Variants in TSPAN5 observed in about 807,000 individuals in gnomAD.
The protein encoded by TSPAN5 is tetraspanin 5.
TSPAN5 carries 10 observed loss-of-function variants against 37.1 expected under a neutral mutation model. The observed-to-expected ratio is 0.27, with a 90% CI of 0.17 to 0.46. The LOEUF is 0.46. Among genes scored for constraint, TSPAN5 ranks in the 20% least tolerant of loss-of-function variants. The pLI is 1.00. For synonymous variants in TSPAN5, 110 were observed against 118.9 expected, an observed-to-expected ratio of 0.93 and a Z score of 0.48; for missense variants, 195 against 326.6, an observed-to-expected ratio of 0.60 and a Z score of 3.11.
At chr4:98,503,638 A>G (rs1196959267) in intron 2 of TSPAN5, among the ~76,000 whole-genome samples, 1 of 152,222 alleles carries the variant, frequency 6.6e-6, no homozygotes, top group African/African-American at 2.4e-5. Context: ...TTGCTGTGGG[A>G]ACCATTAAAC....
intron 1 of TSPAN5, among the ~76,000 whole-genome samples, chr4:98,584,754 C>G (rs72906087): frequency 2.6e-5 from 4 of 152,116 alleles, no homozygotes; most frequent in Non-Finnish European, 5.9e-5. Context: ...ATGCAATAGG[C>G]CTATCGCCAC....
At chr4:98,574,914 G>C (rs906592799) in intron 1 of TSPAN5, 1 of 152,904 alleles carries the variant, frequency 6.5e-6, no homozygotes. Context: ...TCCTAAAAAA[G>C]AAAAGGGCAC....
At chr4:98,652,227 A>T (rs1401777480) in intron 1 of TSPAN5, among the ~76,000 whole-genome samples, 2 of 152,142 alleles carry the variant, frequency 1.3e-5, no homozygotes, top group African/African-American at 2.4e-5. Context: ...TGAAAGTGAG[A>T]CAGCCCCCAC....
At chr4:98,551,014 T>C (rs1002526050) in intron 1 of TSPAN5, among the ~76,000 whole-genome samples, 2 of 152,210 alleles carry the variant, frequency 1.3e-5, no homozygotes, top group East Asian at 1.9e-4. Flanking sequence ...GGCTGTAGGT[T>C]TGTCATATAT....
At chr4:98,648,516 T>C (rs909426821) in intron 1 of TSPAN5, among the ~76,000 whole-genome samples, 3 of 152,244 alleles carry the variant, frequency 2.0e-5, no homozygotes, top group Non-Finnish European at 2.9e-5. Flanking sequence ...TAGCCCTATA[T>C]GATGCTAACT....
chr4:98,490,833 G>A (rs1226434926), intron 2 of TSPAN5, among the ~76,000 whole-genome samples: 1 of 152,168 alleles, frequency 6.6e-6, no homozygotes, highest in Admixed American at 6.5e-5. Flanking sequence ...GGCCGAGGCG[G>A]GCAGATCACG....
At chr4:98,585,392 C>A (rs1423165932) in intron 1 of TSPAN5, among the ~76,000 whole-genome samples, 1 of 152,122 alleles carries the variant, frequency 6.6e-6, no homozygotes, top group Non-Finnish European at 1.5e-5. Context: ...TTACTGCGAC[C>A]TCTGCCTCCG....
intron 1 of TSPAN5, among the ~76,000 whole-genome samples, chr4:98,508,087 T>C (rs982438468): frequency 2.6e-5 from 4 of 152,194 alleles, no homozygotes; most frequent in African/African-American, 9.7e-5. Flanking sequence ...AGAAAATGGA[T>C]AAGCAGAGGC....
At chr4:98,527,391 C>T (rs527879198) in intron 1 of TSPAN5, among the ~76,000 whole-genome samples, 56 of 152,272 alleles carry the variant, frequency 3.7e-4, no homozygotes, top group African/African-American at 1.2e-3. Context: ...TTTAAATACA[C>T]TCCAAATTCT....
chr4:98,485,535 AC>A (rs1393204236), intron 3 of TSPAN5: 1 of 152,020 alleles, frequency 6.6e-6, no homozygotes, highest in African/African-American at 2.4e-5. Flanking sequence ...AAGACCAGGT[AC>A]CCCTCGGTTC....
chr4:98,648,611 A>G (rs1317357501), intron 1 of TSPAN5, among the ~76,000 whole-genome samples: 2 of 152,222 alleles, frequency 1.3e-5, no homozygotes, highest in African/African-American at 2.4e-5. Flanking sequence ...TTTAAAAATA[A>G]ACTGGCGTTT....
intron 1 of TSPAN5, among the ~76,000 whole-genome samples, chr4:98,561,459 G>A (rs1754881832): frequency 6.6e-6 from 1 of 152,194 alleles, no homozygotes; most frequent in African/African-American, 2.4e-5. Flanking sequence ...CTGGAAAATG[G>A]TAGATATTCA....
intron 2 of TSPAN5, among the ~76,000 whole-genome samples, chr4:98,501,726 A>G (rs1560514562): frequency 1.3e-5 from 2 of 152,178 alleles, no homozygotes; most frequent in Non-Finnish European, 2.9e-5. Context: ...ACAGTGAGGA[A>G]GCACACAGTA....
Position 98,629,327 on chromosome 4 carries a change from C to G in TSPAN5, c.81+28819G>C, listed in dbSNP as rs145120680. ...CCCCTCTGTGCCTCGATGTCCTCATCAGAATAATGTGAAAAATAATAGTGC... is the reference window on the plus strand; with the variant it reads ...CCCCTCTGTGCCTCGATGTCCTCATGAGAATAATGTGAAAAATAATAGTGC... On this transcript the variant is annotated intron_variant, in intron 1 of 7. Coordinates refer to ENST00000305798, the MANE Select transcript of TSPAN5 (RefSeq NM_005723.4). Among the ~76,000 whole-genome samples, 743 of 152,250 alleles carry G rather than the reference C, an allele frequency of 4.9e-3. 6 individuals carry two copies. Among genetic ancestry groups the G allele is most frequent in the African/African-American group, 0.017 (717 of 41,542 alleles).
chr4:98,656,699 T>C (rs1343036550), intron 1 of TSPAN5, among the ~76,000 whole-genome samples: 1 of 152,180 alleles, frequency 6.6e-6, no homozygotes, highest in Admixed American at 6.5e-5. Context: ...TCATTATCTT[T>C]ATTAGTCCTG....
intron 1 of TSPAN5, among the ~76,000 whole-genome samples, chr4:98,542,388 T>C (rs1313704433): frequency 6.6e-6 from 1 of 152,184 alleles, no homozygotes; most frequent in Non-Finnish European, 1.5e-5. Context: ...AATAGTTGTT[T>C]CTGTAAAAAC....
chr4:98,564,887 T>C (rs1754966994), intron 1 of TSPAN5, among the ~76,000 whole-genome samples: 1 of 152,146 alleles, frequency 6.6e-6, no homozygotes, highest in Non-Finnish European at 1.5e-5. Context: ...ACCCTAGACA[T>C]CATGTTCCTG....
intron 2 of TSPAN5, among the ~76,000 whole-genome samples, chr4:98,499,325 G>A (rs915161694): frequency 3.3e-5 from 5 of 152,262 alleles, no homozygotes; most frequent in Non-Finnish European, 5.9e-5. Context: ...CAGGGGCCAA[G>A]GCTGATGGGC....
At position 98,470,753 on chromosome 4, in the gene TSPAN5, A is replaced by T. The variant is rs1156536305; in HGVS notation, c.*1769T>A. On this transcript the variant is annotated 3_prime_UTR_variant, in exon 8 of 8. Transcript: ENST00000305798. ...CATGCAGAGCCATACACACACCCAA[A>T]CAGTGAACACAGTTTTGAAAATAAT... The T allele has an allele frequency of 6.6e-6, 1 of 152,248 alleles. No individual in the cohort carries two copies. Among genetic ancestry groups the T allele is most frequent in the Non-Finnish European group, 1.5e-5 (1 of 68,062 alleles). 9.4% of individuals were successfully genotyped at this position (152,248 alleles called of 1,614,324 possible).
Sources: gnomAD v4.1 joint callset for allele counts (sites outside exome capture counted in the v4.1 genomes callset) on GRCh38, gnomAD v4.1.1 for gene constraint, MANE v1.5 for transcripts, NCBI Gene and HGNC (gene_info 2026-07-23, HGNC 2026-07-21) for gene names.